Variants in ADCY8 observed in about 807,000 individuals in gnomAD.
ADCY8 encodes the protein adenylate cyclase type 8.
In ADCY8, 51 loss-of-function variants were observed where a neutral mutation model predicts 119.7. That is an observed-to-expected ratio of 0.43 (90% CI 0.34 to 0.54). The LOEUF (loss-of-function observed/expected upper bound fraction) is 0.54, where lower values mean the gene tolerates loss of function less well. Ranked by LOEUF, ADCY8 falls within the 20% of genes least tolerant of loss-of-function variation. The pLI is 0.03. For synonymous variants in ADCY8, 665 were observed against 651.0 expected, an observed-to-expected ratio of 1.02 and a Z score of -0.33; for missense variants, 1,383 against 1,598.8, an observed-to-expected ratio of 0.87 and a Z score of 2.30.
At chr8:130,910,958 G>C (rs760807746) in intron 5 of ADCY8, among the ~76,000 whole-genome samples, 9 of 152,128 alleles carry the variant, frequency 5.9e-5, no homozygotes, top group Non-Finnish European at 1.0e-4. Flanking sequence ...CAAATGCAAT[G>C]ATTATGTGAC....
At chr8:130,992,600 A>G (rs1356162845) in intron 1 of ADCY8, among the ~76,000 whole-genome samples, 1 of 151,350 alleles carries the variant, frequency 6.6e-6, no homozygotes, top group Non-Finnish European at 1.5e-5. Context: ...TTTTTAGTAG[A>G]GATGAGATTT....
At chr8:130,997,718 T>G (rs559120248) in intron 1 of ADCY8, among the ~76,000 whole-genome samples, 9 of 152,342 alleles carry the variant, frequency 5.9e-5, no homozygotes, top group African/African-American at 2.2e-4. Context: ...CTATTATTAA[T>G]TTTTACTAAA....
intron 8 of ADCY8, among the ~76,000 whole-genome samples, chr8:130,876,534 T>C (rs1277539841): frequency 1.3e-5 from 2 of 152,198 alleles, no homozygotes; most frequent in African/African-American, 2.4e-5. Context: ...TGTGTTCATG[T>C]ATTCACTTAT....
At chr8:130,831,789 T>G (rs954460317) in intron 12 of ADCY8, among the ~76,000 whole-genome samples, 2 of 152,080 alleles carry the variant, frequency 1.3e-5, no homozygotes, top group African/African-American at 4.8e-5. Flanking sequence ...AGAGTGGAGT[T>G]TAAGAGATCA....
At chr8:130,891,257 T>C (rs1819176452) in intron 7 of ADCY8, among the ~76,000 whole-genome samples, 1 of 152,138 alleles carries the variant, frequency 6.6e-6, no homozygotes, top group Non-Finnish European at 1.5e-5. Flanking sequence ...TCAGTTCTTA[T>C]GAACTTCCTA....
chr8:130,856,115 C>A (rs984329667), intron 9 of ADCY8, among the ~76,000 whole-genome samples: 4 of 151,992 alleles, frequency 2.6e-5, no homozygotes, highest in Non-Finnish European at 4.4e-5. Context: ...CCTTTAGGAG[C>A]CAGGTGAGCT....
intron 5 of ADCY8, among the ~76,000 whole-genome samples, chr8:130,931,364 AG>A (rs1175922534): frequency 6.6e-6 from 1 of 152,122 alleles, no homozygotes; most frequent in Non-Finnish European, 1.5e-5. Flanking sequence ...TGTTGCTTTC[AG>A]GATCTTCTTT....
chr8:130,794,030 A>T (rs946174174), intron 15 of ADCY8, among the ~76,000 whole-genome samples: 1 of 152,078 alleles, frequency 6.6e-6, no homozygotes. Context: ...AGAAGAGGAG[A>T]GGGCACAGAG....
chr8:130,830,001 C>A (rs187223082), intron 12 of ADCY8, among the ~76,000 whole-genome samples: 36 of 152,330 alleles, frequency 2.4e-4, no homozygotes, highest in Admixed American at 1.6e-3. Context: ...GTTCTTCACA[C>A]AATGCCCTTT....
At chr8:130,807,031 G>A (rs541031021) in intron 14 of ADCY8, among the ~76,000 whole-genome samples, 3 of 152,192 alleles carry the variant, frequency 2.0e-5, no homozygotes, top group Non-Finnish European at 2.9e-5. Context: ...AAACTGGGGA[G>A]GAATTGATGA....
intron 11 of ADCY8, among the ~76,000 whole-genome samples, chr8:130,836,857 C>T (rs2130262687): frequency 6.6e-6 from 1 of 152,232 alleles, no homozygotes; most frequent in Admixed American, 6.5e-5. Context: ...CCTCAGCTTC[C>T]CCAATAGCTG....
chr8:130,890,374 A>C (rs1398282054), intron 7 of ADCY8, among the ~76,000 whole-genome samples: 1 of 152,142 alleles, frequency 6.6e-6, no homozygotes, highest in African/African-American at 2.4e-5. Flanking sequence ...AAAAATAAAA[A>C]AATAAGAAGA....
At chr8:130,943,274 G>T (rs1821010209) in intron 4 of ADCY8, 77 bp downstream of exon 4, 2 of 1,052,386 alleles carry the variant, frequency 1.9e-6, no homozygotes, top group Non-Finnish European at 2.9e-6. Context: ...GAAGAAGGCT[G>T]AATCCTTCTC....
intron 7 of ADCY8, 97 bp downstream of exon 7, chr8:130,903,675 A>G (rs935025839): frequency 7.3e-7 from 1 of 1,369,190 alleles, no homozygotes; most frequent in African/African-American, 1.5e-5. Context: ...ATTGGAGAAA[A>G]GGTTAAAGAT....
chr8:130,909,880 T>G lies in ADCY8; in HGVS notation c.1482-14A>C. ...GACCGCACATACCTGTTGACATAGGTAAATGGAGAGACACATGTATAAGAC... is the reference window on the plus strand; with the variant it reads ...GACCGCACATACCTGTTGACATAGGGAAATGGAGAGACACATGTATAAGAC... On this transcript the variant is annotated splice_polypyrimidine_tract_variant and intron_variant, in intron 5 of 17. Coordinates refer to ENST00000286355, the MANE Select transcript of ADCY8 (RefSeq NM_001115.3). The G allele has an allele frequency of 2.5e-6, 4 of 1,613,412 alleles. No homozygotes were observed. Among genetic ancestry groups the G allele is most frequent in the Non-Finnish European group, 3.4e-6 (4 of 1,179,704 alleles).
Position 130,780,552 on chromosome 8 carries a change from TC to T in ADCY8, c.3593del (p.Gly1198AspfsTer72). ...TTTGCCTATTGAGGGACTGGACAAG[TC>T]CCAGGACAACCGCGGCCAGGGAGTA... ...GQYSLAAVVL[G>X]LVQSLNRQRQ... On this transcript the variant is annotated frameshift_variant, in exon 18 of 18. Transcript: ENST00000286355. LOFTEE classifies it high-confidence loss of function. The T allele has an allele frequency of 6.2e-7, 1 of 1,614,144 alleles. No homozygotes were observed. The highest frequency in any genetic ancestry group is 8.5e-7 in the Non-Finnish European group (1 of 1,180,026).
At chr8:130,797,441 A>G (rs1438899013) in intron 15 of ADCY8, among the ~76,000 whole-genome samples, 1 of 152,192 alleles carries the variant, frequency 6.6e-6, no homozygotes, top group African/African-American at 2.4e-5. Flanking sequence ...TATGTTTTGA[A>G]TTGCATTAAC....
At chr8:131,028,021 C>G (rs937879998) in intron 1 of ADCY8, among the ~76,000 whole-genome samples, 1 of 152,184 alleles carries the variant, frequency 6.6e-6, no homozygotes, top group African/African-American at 2.4e-5. Flanking sequence ...AATAGCACTG[C>G]AAAATGAGGC....
intron 15 of ADCY8, among the ~76,000 whole-genome samples, chr8:130,786,518 T>G (rs1291649748): frequency 6.6e-6 from 1 of 152,300 alleles, no homozygotes; most frequent in East Asian, 1.9e-4. Context: ...GCCCTGTAAG[T>G]TTCATTTTGG....
Sources: gnomAD v4.1 joint callset for allele counts (sites outside exome capture counted in the v4.1 genomes callset) on GRCh38, gnomAD v4.1.1 for gene constraint, MANE v1.5 for transcripts, NCBI Gene and HGNC (gene_info 2026-07-23, HGNC 2026-07-21) for gene names.